Variants in ZNF280D observed in about 807,000 individuals in gnomAD.
The protein encoded by ZNF280D is zinc finger protein 280D, also known as suppressor of hairy wing homolog 4.
Under a neutral mutation model 94.7 loss-of-function variants are expected in ZNF280D, and 39 were observed. The observed-to-expected ratio is 0.41, with a 90% CI of 0.32 to 0.54. The LOEUF (loss-of-function observed/expected upper bound fraction) is 0.54. ZNF280D is among the 20% of genes least tolerant of loss of function. The pLI is 0.22. For missense variants in ZNF280D, 1,090 were observed against 1,149.3 expected, an observed-to-expected ratio of 0.95 and a Z score of 0.75; for synonymous variants, 398 against 377.6, an observed-to-expected ratio of 1.05 and a Z score of -0.63.
At chr15:56,726,627 A>G (rs2058642033) in intron 1 of ZNF280D, among the ~76,000 whole-genome samples, 1 of 152,204 alleles carries the variant, frequency 6.6e-6, no homozygotes, top group African/African-American at 2.4e-5. Flanking sequence ...ATTAATCCCA[A>G]CTATGCTAAA....
At chr15:56,658,331 G>A (rs2053682028) in intron 17 of ZNF280D, 93 bp downstream of exon 17, 1 of 844,458 alleles carries the variant, frequency 1.2e-6, no homozygotes, top group East Asian at 2.6e-5. Context: ...TGTATGGTAT[G>A]CTAATTCTAC....
intron 1 of ZNF280D, among the ~76,000 whole-genome samples, chr15:56,723,254 T>A (rs1004577058): frequency 1.1e-4 from 13 of 122,370 alleles, no homozygotes; most frequent in African/African-American, 2.9e-4. Context: ...AAATAAATAA[T>A]CAAAGTGAAA....
rs777060362 is a variant in ZNF280D, at chr15:56,678,872, G to A, written c.1005-51C>T. ...AAACTTGAGATTTAAAAACAAAAAGGAAATCTCACAAACAAGAATCTGAAC... is the reference window on the plus strand; with the variant it reads ...AAACTTGAGATTTAAAAACAAAAAGAAAATCTCACAAACAAGAATCTGAAC... On this transcript the variant is annotated intron_variant, in intron 10 of 21. Coordinates refer to ENST00000267807, the MANE Select transcript of ZNF280D (RefSeq NM_017661.4). The A allele has an allele frequency of 2.0e-5, 28 of 1,419,702 alleles. No individual in the cohort carries two copies. In the South Asian group the frequency reaches 4.6e-4, roughly 23 times the overall value. The allele number at this position is 1,419,702 out of a possible 1,614,324, so 87.9% of individuals were successfully genotyped here.
At chr15:56,687,740 T>C (rs574053861) in intron 9 of ZNF280D, among the ~76,000 whole-genome samples, 5 of 152,218 alleles carry the variant, frequency 3.3e-5, no homozygotes, top group African/African-American at 1.2e-4. Flanking sequence ...AGAGGAAAAT[T>C]GAAAGTACTT....
chr15:56,637,193 A>C (rs1466918630), intron 20 of ZNF280D, among the ~76,000 whole-genome samples: 1 of 147,402 alleles, frequency 6.8e-6, no homozygotes, highest in Non-Finnish European at 1.5e-5. Flanking sequence ...TTTTTAAGAG[A>C]CAAGATCTCA....
chr15:56,695,442 G>A (rs948940716), intron 6 of ZNF280D, among the ~76,000 whole-genome samples: 6 of 151,748 alleles, frequency 4.0e-5, no homozygotes, highest in Non-Finnish European at 8.8e-5. Flanking sequence ...ATGTTTAAGG[G>A]AAAATTAGTT....
chr15:56,708,820 A>C (rs2057577694), intron 1 of ZNF280D, among the ~76,000 whole-genome samples: 1 of 152,156 alleles, frequency 6.6e-6, no homozygotes, highest in African/African-American at 2.4e-5. Context: ...GAAAGCTGAA[A>C]CTGGATCCCT....
At chr15:56,691,378 G>A (rs2056413504) in intron 7 of ZNF280D, among the ~76,000 whole-genome samples, 1 of 152,116 alleles carries the variant, frequency 6.6e-6, no homozygotes, top group Non-Finnish European at 1.5e-5. Flanking sequence ...ACATTCTTGT[G>A]AGATGTTTAA....
At chr15:56,669,083 C>A in intron 13 of ZNF280D, 126 bp from the exon 14 acceptor site, 1 of 792,924 alleles carries the variant, frequency 1.3e-6, no homozygotes, top group South Asian at 1.9e-5. Flanking sequence ...TTAACATCTC[C>A]TATCATAATA....
intron 1 of ZNF280D, among the ~76,000 whole-genome samples, chr15:56,726,702 C>G (rs1212925922): frequency 6.6e-6 from 1 of 152,150 alleles, no homozygotes; most frequent in East Asian, 1.9e-4. Context: ...ATGCATTAGC[C>G]TTAATTGTTC....
At chr15:56,704,410 T>A (rs2057275791) in intron 3 of ZNF280D, 143 bp from the exon 4 acceptor site, 1 of 781,406 alleles carries the variant, frequency 1.3e-6, no homozygotes, top group Non-Finnish European at 2.0e-6. Context: ...CAGTATGTGG[T>A]AACAACAGTG....
intron 1 of ZNF280D, among the ~76,000 whole-genome samples, chr15:56,715,561 G>A (rs2057995683): frequency 6.6e-6 from 1 of 152,106 alleles, no homozygotes. Context: ...CATGAGTAGA[G>A]AGTATAATAC....
chr15:56,718,206 C>T (rs1030899491), intron 1 of ZNF280D, among the ~76,000 whole-genome samples: 4 of 151,632 alleles, frequency 2.6e-5, no homozygotes, highest in Non-Finnish European at 1.5e-5. Flanking sequence ...CTGTTATATC[C>T]AAATATTTCT....
chr15:56,715,456 G>C (rs2057990150), intron 1 of ZNF280D, among the ~76,000 whole-genome samples: 1 of 152,090 alleles, frequency 6.6e-6, no homozygotes, highest in Non-Finnish European at 1.5e-5. Context: ...TAAGGGATAA[G>C]AAGGGTATTC....
At position 56,677,624 on chromosome 15, in the gene ZNF280D, G is replaced by T; in HGVS notation, c.1213C>A (p.Gln405Lys). 6.2e-7 allele frequency: 1 copy of T among 1,608,884 alleles called. No individual in the cohort carries two copies. Among genetic ancestry groups the T allele is most frequent in the Non-Finnish European group, 8.5e-7 (1 of 1,177,538 alleles). The change falls in exon 12 of 22, where the codon CAA (glutamine) becomes AAA (lysine). Residue 405 changes from glutamine (Q) to lysine (K), a missense_variant. This residue lies in a region of ZNF280D where 127 missense variants were observed against 208.6 expected (regional missense o/e 0.61). Coordinates refer to ENST00000267807, the MANE Select transcript of ZNF280D (RefSeq NM_017661.4). ...GGTTTATGATTGTCCTTCATATGTTGTAAAAGAACATGTTCTGTTTCAAAT... is the reference window on the plus strand; with the variant it reads ...GGTTTATGATTGTCCTTCATATGTTTTAAAAGAACATGTTCTGTTTCAAAT... ...LSFETEHVLL[Q>K]HMKDNHKPGE... is the part of the protein sequence containing the mutation.
chr15:56,733,062 A>G (rs2058977015), intron 1 of ZNF280D: 1 of 152,366 alleles, frequency 6.6e-6, no homozygotes, highest in Non-Finnish European at 1.5e-5. Flanking sequence ...TGTGAGGACC[A>G]TGGGTCTTGG....
chr15:56,681,262 G>A (rs2055597291), intron 10 of ZNF280D, among the ~76,000 whole-genome samples: 1 of 152,112 alleles, frequency 6.6e-6, no homozygotes, highest in African/African-American at 2.4e-5. Context: ...AGTAACTACA[G>A]CTGCTTTGAA....
intron 1 of ZNF280D, among the ~76,000 whole-genome samples, chr15:56,730,789 A>G (rs957749075): frequency 1.7e-4 from 26 of 152,118 alleles, no homozygotes; most frequent in Non-Finnish European, 3.1e-4. Context: ...TAACTTCCAA[A>G]GCCATACCTA....
intron 1 of ZNF280D, among the ~76,000 whole-genome samples, chr15:56,716,506 GAAAA>G (rs529405989): frequency 1.1e-5 from 1 of 88,128 alleles, no homozygotes; most frequent in Non-Finnish European, 2.5e-5. Flanking sequence ...CATTGTGACT[GAAAA>G]AAAAAAAAAA....
Sources: allele counts gnomAD v4.1 joint callset (sites outside exome capture counted in the v4.1 genomes callset), GRCh38; gene constraint gnomAD v4.1.1; regional missense constraint gnomAD v4.1.1; transcripts MANE v1.5; gene names NCBI Gene and HGNC (gene_info 2026-07-23, HGNC 2026-07-21).